Variants in RNASE4 observed in about 807,000 individuals in gnomAD.
The protein encoded by RNASE4 is ribonuclease A family member 4.
For missense variants in RNASE4, 194 were observed against 192.8 expected (o/e 1.01, Z -0.04); for synonymous variants, 93 against 71.4 (o/e 1.30, Z -1.52).
chr14:20,697,168 G>A (rs905978142), intron 1 of RNASE4, among the ~76,000 whole-genome samples: 5 of 152,126 alleles, frequency 3.3e-5, no homozygotes, highest in South Asian at 2.1e-4. Flanking sequence ...GTCTGCTCTC[G>A]CATGCATAGG....
At chr14:20,689,396 G>T (rs969030642) in intron 1 of RNASE4, among the ~76,000 whole-genome samples, 3 of 152,226 alleles carry the variant, frequency 2.0e-5, no homozygotes, top group Non-Finnish European at 4.4e-5. Flanking sequence ...TGCCTTGGGT[G>T]TTAGGCTCTT....
Position 20,699,479 on chromosome 14 carries a change from C to T in RNASE4, c.108C>T (p.Phe36=). ...GCCAGGATGGCATGTACCAGCGATT[C>T]CTGCGGCAACACGTGCACCCTGAGG... The part of the protein sequence containing the change: ...SYGQDGMYQR[F]LRQHVHPEET... The change falls in exon 2 of 2, where the codon TTC becomes TTT. Residue 36 remains phenylalanine (F), a synonymous_variant. Transcript: ENST00000555835. The T allele has an allele frequency of 6.2e-7, 1 of 1,614,086 alleles. No homozygotes were observed. Among genetic ancestry groups the T allele is most frequent in the Non-Finnish European group, 8.5e-7 (1 of 1,180,018 alleles).
At chr14:20,693,662 T>C in intron 1 of RNASE4, 3 of 1,614,114 alleles carry the variant, frequency 1.9e-6, no homozygotes, top group Non-Finnish European at 2.5e-6. Flanking sequence ...TACACACACT[T>C]CCTGACCCAG....
intron 1 of RNASE4, among the ~76,000 whole-genome samples, chr14:20,691,946 C>A (rs1212344941): frequency 6.6e-6 from 1 of 152,174 alleles, no homozygotes; most frequent in African/African-American, 2.4e-5. Context: ...AGTGCCAGGA[C>A]CCATGGCCTT....
At chr14:20,690,221 C>CAAAAAAAAAAAAAAAAAAAA (rs36091065) in intron 1 of RNASE4, among the ~76,000 whole-genome samples, 3 of 67,980 alleles carry the variant, frequency 4.4e-5, no homozygotes, top group African/African-American at 1.3e-4. Context: ...GACTCCGTCT[C>CAAAAAAAAAAAAAAAAAAAA]AAAAAAAAAA....
chr14:20,691,251 T>C (rs909266868), intron 1 of RNASE4, among the ~76,000 whole-genome samples: 1 of 152,226 alleles, frequency 6.6e-6, no homozygotes, highest in Non-Finnish European at 1.5e-5. Context: ...TCTGGTTCCG[T>C]TTCCTGATTT....
intron 1 of RNASE4, among the ~76,000 whole-genome samples, chr14:20,691,218 C>G (rs538614189): frequency 5.3e-4 from 80 of 152,278 alleles, no homozygotes; most frequent in African/African-American, 1.8e-3. Flanking sequence ...TGCCACCTAA[C>G]GACTCTTTTA....
Position 20,699,506 on chromosome 14 carries a change from G to T in RNASE4, c.135G>T (p.Glu45Asp). The change falls in exon 2 of 2, where the codon GAG (glutamate) becomes GAT (aspartate). Residue 45 changes from glutamate to aspartate, a missense_variant. Transcript: ENST00000555835. ...RFLRQHVHPEETGGSDRYCNL... is the reference protein window; with the variant it reads ...RFLRQHVHPEDTGGSDRYCNL... ...TGCGGCAACACGTGCACCCTGAGGA[G>T]ACAGGTGGCAGTGATCGCTACTGCA... The T allele has an allele frequency of 1.2e-6, 2 of 1,614,192 alleles. No homozygotes were observed. The highest frequency in any genetic ancestry group is 2.2e-5 in the South Asian group (2 of 91,082).
At chr14:20,694,542 C>T (rs778665298) in intron 1 of RNASE4, among the ~76,000 whole-genome samples, 2 of 152,006 alleles carry the variant, frequency 1.3e-5, no homozygotes, top group East Asian at 1.9e-4. Flanking sequence ...TCGGGAGATC[C>T]GCCCACCTTG....
Position 20,699,595 on chromosome 14 carries a change from A to G in RNASE4, c.224A>G (p.His75Arg), listed in dbSNP as rs780159412. 6.2e-7 allele frequency: 1 copy of G among 1,614,208 alleles called. No individual in the cohort carries two copies. The highest frequency in any genetic ancestry group is 1.1e-5 in the South Asian group (1 of 91,086). Residue 75 changes from histidine (H) to arginine (R), a missense_variant, in exon 2 of 2, where the codon CAT becomes CGT. His to Arg is a conservative substitution (Grantham distance 29). Coordinates refer to ENST00000555835, the MANE Select transcript of RNASE4 (RefSeq NM_002937.5). ...YHCKRFNTFI[H>R]EDIWNIRSIC... ...TGCAAGCGCTTCAACACCTTCATCC[A>G]TGAAGATATCTGGAACATTCGTAGT...
At chr14:20,698,727 G>A (rs151192368) in intron 1 of RNASE4, 1 of 151,842 alleles carries the variant, frequency 6.6e-6, no homozygotes, top group Non-Finnish European at 1.5e-5. Context: ...AATTAGAATA[G>A]ATTTTAAATC....
intron 1 of RNASE4, among the ~76,000 whole-genome samples, chr14:20,696,165 C>T (rs1453459824): frequency 6.6e-6 from 1 of 152,126 alleles, no homozygotes; most frequent in African/African-American, 2.4e-5. Flanking sequence ...GCTGTGAAAA[C>T]CCACATCTTC....
intron 1 of RNASE4, among the ~76,000 whole-genome samples, chr14:20,685,263 A>T (rs909736702): frequency 1.9e-4 from 29 of 152,160 alleles, no homozygotes; most frequent in Non-Finnish European, 3.1e-4. Context: ...CTCTTCTCTA[A>T]GCCTTCCTAC....
At position 20,699,776 on chromosome 14, in the gene RNASE4, T is replaced by C. The variant is rs761957293; in HGVS notation, c.405T>C (p.Cys135=). Reference sequence around the variant, plus strand: ...GCACTAGACGTGTTGTCATTGCCTGTGAGGGTAACCCACAGGTGCCTGTGC... The same window carrying C: ...GCACTAGACGTGTTGTCATTGCCTGCGAGGGTAACCCACAGGTGCCTGTGC... The part of the protein sequence containing the change: ...IASTRRVVIA[C]EGNPQVPVHF... The change falls in exon 2 of 2, where the codon TGT becomes TGC. Residue 135 remains cysteine (C), a synonymous_variant. Coordinates refer to ENST00000555835, the MANE Select transcript of RNASE4 (RefSeq NM_002937.5). The C allele has an allele frequency of 6.2e-7, 1 of 1,612,416 alleles. No individual in the cohort carries two copies. Among genetic ancestry groups the C allele is most frequent in the Non-Finnish European group, 8.5e-7 (1 of 1,180,016 alleles).
At chr14:20,692,976 T>C (rs1886857228) in intron 1 of RNASE4, among the ~76,000 whole-genome samples, 2 of 151,712 alleles carry the variant, frequency 1.3e-5, no homozygotes, top group South Asian at 2.1e-4. Flanking sequence ...GCCTCCCGAG[T>C]AGCTGGGACT....
chr14:20,686,409 T>C (rs540014839), intron 1 of RNASE4, among the ~76,000 whole-genome samples: 19 of 152,362 alleles, frequency 1.2e-4, no homozygotes, highest in Admixed American at 3.9e-4. Flanking sequence ...CATTGGTCAC[T>C]GTGACTCAAA....
chr14:20,689,894 C>T (rs1048670015), intron 1 of RNASE4, among the ~76,000 whole-genome samples: 14 of 134,474 alleles, frequency 1.0e-4, no homozygotes, highest in Non-Finnish European at 2.2e-4. Flanking sequence ...CTAGCCTGGG[C>T]GATAGAACAA....
At position 20,693,049 on chromosome 14, in the gene RNASE4, G is replaced by A. The variant is rs1004168646; in HGVS notation, c.-17-6306G>A. Among the ~76,000 whole-genome samples, 8 of 151,464 alleles carry A rather than the reference G, an allele frequency of 5.3e-5. No homozygotes were observed. In the East Asian group the frequency reaches 9.7e-4, roughly 18 times the overall value. On this transcript the variant is annotated intron_variant, in intron 1 of 1. Transcript: ENST00000555835. ...TTTTTAGTAGAGACGGGGTTTCACC[G>A]TGGTAGCCAGGATGGTCTCGATCTC...
At chr14:20,693,982 G>T (rs769960079) in intron 1 of RNASE4, 1 of 1,614,058 alleles carries the variant, frequency 6.2e-7, no homozygotes, top group Non-Finnish European at 8.5e-7. Flanking sequence ...TGTCCACTTG[G>T]ATCAGTCAAT....
Sources: allele counts gnomAD v4.1 joint callset (sites outside exome capture counted in the v4.1 genomes callset), GRCh38; gene constraint gnomAD v4.1.1; transcripts MANE v1.5; gene names NCBI Gene and HGNC (gene_info 2026-07-23, HGNC 2026-07-21).